MCTP1: variants seen among roughly 807,000 people sequenced by gnomAD.
MCTP1 encodes the protein multiple C2 and transmembrane domain containing 1.
MCTP1 carries 69 observed loss-of-function variants against 120.6 expected under a neutral mutation model. The observed-to-expected ratio is 0.57, with a 90% confidence interval of 0.47 to 0.70. The LOEUF (loss-of-function observed/expected upper bound fraction) is 0.70. Ranked by LOEUF, MCTP1 falls within the 30% of genes least tolerant of loss-of-function variation. The probability of loss-of-function intolerance (pLI) is 0.00; values close to 1 mark genes in which losing one functional copy is unlikely to be tolerated. For synonymous variants in MCTP1, 529 were observed against 493.1 expected, an observed-to-expected ratio of 1.07 and a Z score of -0.96; for missense variants, 1,203 against 1,248.8, an observed-to-expected ratio of 0.96 and a Z score of 0.55.
intron 2 of MCTP1, among the ~76,000 whole-genome samples, chr5:94,985,628 C>T (rs1201279026): frequency 2.0e-5 from 3 of 152,166 alleles, no homozygotes; most frequent in Admixed American, 2.0e-4. Context: ...TACTTCATAA[C>T]TCTTAAAATA....
chr5:95,262,497 G>T (rs1042687666), intron 1 of MCTP1, among the ~76,000 whole-genome samples: 5 of 152,150 alleles, frequency 3.3e-5, no homozygotes, highest in African/African-American at 1.2e-4. Context: ...GACCAATAAT[G>T]AGATAAAGAT....
chr5:95,061,407 G>GGTT (rs749862250), intron 1 of MCTP1, among the ~76,000 whole-genome samples: 40,386 of 67,468 alleles, frequency 0.6, 16,551 homozygotes, highest in Non-Finnish European at 0.76. Context: ...ACCCCTTAAG[G>GGTT]GTTTTTTTTT....
At chr5:94,894,519 C>T (rs1803430483) in intron 11 of MCTP1, 130 bp downstream of exon 11, 2 of 612,894 alleles carry the variant, frequency 3.3e-6, no homozygotes, top group Non-Finnish European at 5.4e-6. Flanking sequence ...TTTGTTTTCA[C>T]TCAGCTTTTT....
intron 1 of MCTP1, among the ~76,000 whole-genome samples, chr5:95,101,722 A>C (rs1756746741): frequency 6.6e-6 from 1 of 152,218 alleles, no homozygotes. Flanking sequence ...TGCAGTTTCC[A>C]GGGTTCCTGT....
intron 18 of MCTP1, among the ~76,000 whole-genome samples, chr5:94,781,212 T>C (rs1776511672): frequency 3.9e-5 from 6 of 152,098 alleles, no homozygotes; most frequent in Admixed American, 3.9e-4. Flanking sequence ...ACTATACTTT[T>C]ACTCCTGTGA....
At chr5:94,780,464 G>A (rs1261771174) in intron 18 of MCTP1, among the ~76,000 whole-genome samples, 5 of 150,968 alleles carry the variant, frequency 3.3e-5, no homozygotes, top group African/African-American at 1.2e-4. Context: ...TCTCATGAAC[G>A]AATATATAAT....
intron 18 of MCTP1, among the ~76,000 whole-genome samples, chr5:94,780,762 AGG>A: frequency 6.6e-6 from 1 of 152,154 alleles, no homozygotes; most frequent in African/African-American, 2.4e-5. Context: ...ACATAGTGCT[AGG>A]TAATGTGGGA....
chr5:94,842,571 G>C (rs994641294), intron 17 of MCTP1, among the ~76,000 whole-genome samples: 1 of 152,116 alleles, frequency 6.6e-6, no homozygotes, highest in Non-Finnish European at 1.5e-5. Context: ...AATCATCAAG[G>C]AACAAAGGGC....
At chr5:94,938,087 C>T (rs888292819) in intron 5 of MCTP1, among the ~76,000 whole-genome samples, 1 of 152,058 alleles carries the variant, frequency 6.6e-6, no homozygotes, top group Non-Finnish European at 1.5e-5. Context: ...CATCATCTTT[C>T]ACCTGGATTT....
At chr5:95,176,951 G>A (rs1347646863) in intron 1 of MCTP1, among the ~76,000 whole-genome samples, 1 of 151,470 alleles carries the variant, frequency 6.6e-6, no homozygotes, top group Non-Finnish European at 1.5e-5. Flanking sequence ...TACAAGCTCA[G>A]CCTCCTGGGT....
At chr5:95,214,991 G>A (rs1313604145) in intron 1 of MCTP1, among the ~76,000 whole-genome samples, 1 of 151,812 alleles carries the variant, frequency 6.6e-6, no homozygotes, top group Non-Finnish European at 1.5e-5. Flanking sequence ...TTGTGCACAC[G>A]TACCCTAAAA....
chr5:94,808,998 T>C (rs544243342), intron 17 of MCTP1, among the ~76,000 whole-genome samples: 3 of 152,232 alleles, frequency 2.0e-5, no homozygotes, highest in African/African-American at 7.2e-5. Context: ...CAATGCTTTT[T>C]TGAAAAACAT....
At chr5:95,129,301 C>T (rs556270140) in intron 1 of MCTP1, among the ~76,000 whole-genome samples, 8 of 152,150 alleles carry the variant, frequency 5.3e-5, no homozygotes, top group Non-Finnish European at 8.8e-5. Context: ...GTCAAGTGCA[C>T]GGGATAAATG....
At chr5:94,982,484 A>G (rs975575069) in intron 2 of MCTP1, among the ~76,000 whole-genome samples, 1 of 152,134 alleles carries the variant, frequency 6.6e-6, no homozygotes, top group Admixed American at 6.6e-5. Context: ...ATGTACCCCC[A>G]AGATTTCTTA....
At chr5:95,214,075 G>A (rs1644070217) in intron 1 of MCTP1, among the ~76,000 whole-genome samples, 1 of 152,274 alleles carries the variant, frequency 6.6e-6, no homozygotes, top group South Asian at 2.1e-4. Flanking sequence ...GAGTGAACAG[G>A]CAACCTACAG....
chr5:94,792,411 T>C (rs1342864193), intron 18 of MCTP1: 1 of 152,324 alleles, frequency 6.6e-6, no homozygotes, highest in Non-Finnish European at 1.5e-5. Flanking sequence ...CAAAAGGGGT[T>C]GCCTTCCCTG....
chr5:94,977,663 G>A (rs1828427994), intron 2 of MCTP1, among the ~76,000 whole-genome samples: 1 of 152,104 alleles, frequency 6.6e-6, no homozygotes, highest in Non-Finnish European at 1.5e-5. Flanking sequence ...ATCCATGCCT[G>A]TATGGTAAAC....
intron 1 of MCTP1, among the ~76,000 whole-genome samples, chr5:95,163,063 A>C (rs1306651362): frequency 6.6e-6 from 1 of 152,132 alleles, no homozygotes; most frequent in African/African-American, 2.4e-5. Flanking sequence ...ACACATCAAA[A>C]TTTGTCTTCT....
chr5:94,870,041 A>G (rs573705993), intron 16 of MCTP1, among the ~76,000 whole-genome samples: 1 of 152,050 alleles, frequency 6.6e-6, no homozygotes, highest in South Asian at 2.1e-4. Flanking sequence ...GTCTGGACAT[A>G]TATTTGTACC....
Sources: allele counts gnomAD v4.1 joint callset (sites outside exome capture counted in the v4.1 genomes callset), GRCh38; gene constraint gnomAD v4.1.1; transcripts MANE v1.5; gene names NCBI Gene and HGNC (gene_info 2026-07-23, HGNC 2026-07-21).